Variants in MACROD2 observed in about 807,000 individuals in gnomAD.
MACROD2 encodes mono-ADP ribosylhydrolase 2, also known as ADP-ribose glycohydrolase MACROD2.
In MACROD2, 36 loss-of-function variants were observed where a neutral mutation model predicts 70.4. That is an observed-to-expected ratio of 0.51 (90% CI 0.39 to 0.68). MACROD2 has a LOEUF of 0.68. MACROD2 is among the 30% of genes least tolerant of loss of function. MACROD2 has a pLI of 0.00. For synonymous variants in MACROD2, 172 were observed against 178.8 expected (o/e 0.96, Z 0.30); for missense variants, 496 against 538.4 (o/e 0.92, Z 0.78).
intron 7 of MACROD2, among the ~76,000 whole-genome samples, chr20:15,434,030 A>T (rs1351860377): frequency 6.6e-6 from 1 of 152,082 alleles, no homozygotes; most frequent in Non-Finnish European, 1.5e-5. Context: ...CTCACCTCAC[A>T]CAAAAATCAA....
chr20:15,185,059 C>G (rs1043457764), intron 5 of MACROD2, among the ~76,000 whole-genome samples: 1 of 152,152 alleles, frequency 6.6e-6, no homozygotes, highest in African/African-American at 2.4e-5. Flanking sequence ...GAGCTTGACA[C>G]TTTGTTGATT....
intron 8 of MACROD2, among the ~76,000 whole-genome samples, chr20:15,606,218 G>C (rs1421987112): frequency 1.3e-5 from 2 of 152,060 alleles, no homozygotes; most frequent in African/African-American, 4.8e-5. Flanking sequence ...CAGTGTCTCA[G>C]TCGCCTTTTT....
At chr20:15,163,677 C>T (rs1276411868) in intron 5 of MACROD2, among the ~76,000 whole-genome samples, 3 of 151,736 alleles carry the variant, frequency 2.0e-5, no homozygotes, top group Non-Finnish European at 4.4e-5. Context: ...TGAGTATGAC[C>T]CTCAAATTAA....
chr20:14,806,621 GC>G (rs1334904164), intron 5 of MACROD2, among the ~76,000 whole-genome samples: 1 of 152,098 alleles, frequency 6.6e-6, no homozygotes, highest in African/African-American at 2.4e-5. Context: ...GGGGGCTGAA[GC>G]CAGGGAGCCA....
At chr20:15,638,394 G>A (rs2049402875) in intron 8 of MACROD2, among the ~76,000 whole-genome samples, 2 of 152,162 alleles carry the variant, frequency 1.3e-5, no homozygotes, top group African/African-American at 4.8e-5. Flanking sequence ...CCAAATATAA[G>A]TGTGCGAGGC....
At chr20:15,285,229 T>C (rs897603098) in intron 6 of MACROD2, among the ~76,000 whole-genome samples, 20 of 152,316 alleles carry the variant, frequency 1.3e-4, no homozygotes, top group African/African-American at 4.8e-4. Flanking sequence ...AAAGACTGGA[T>C]TGCAGAAAAT....
intron 4 of MACROD2, among the ~76,000 whole-genome samples, chr20:14,553,600 G>A (rs1978817922): frequency 6.6e-6 from 1 of 151,954 alleles, no homozygotes; most frequent in African/African-American, 2.4e-5. Flanking sequence ...CATTCATTGT[G>A]CTATGATGTC....
At chr20:15,497,589 C>T (rs1466933725) in intron 7 of MACROD2, among the ~76,000 whole-genome samples, 1 of 151,966 alleles carries the variant, frequency 6.6e-6, no homozygotes, top group Non-Finnish European at 1.5e-5. Context: ...CGCACCTGGC[C>T]GCCTCCTTCT....
At chr20:15,906,313 A>G (rs1057067797) in intron 10 of MACROD2, among the ~76,000 whole-genome samples, 1 of 152,196 alleles carries the variant, frequency 6.6e-6, no homozygotes, top group Non-Finnish European at 1.5e-5. Context: ...TTGGAGCACC[A>G]TTTCTTTTGC....
At chr20:14,812,351 A>G (rs904216645) in intron 5 of MACROD2, among the ~76,000 whole-genome samples, 4 of 152,014 alleles carry the variant, frequency 2.6e-5, no homozygotes, top group African/African-American at 9.7e-5. Flanking sequence ...GTTCTCACTC[A>G]TGAGTGGGAA....
At chr20:15,978,609 TC>T (rs1273458490) in intron 13 of MACROD2, among the ~76,000 whole-genome samples, 2 of 151,898 alleles carry the variant, frequency 1.3e-5, no homozygotes, top group Non-Finnish European at 1.5e-5. Flanking sequence ...TCTCTCTCTC[TC>T]TCTCTCGTTC....
In MACROD2 at chr20:15,096,471, C is replaced by A. The variant is rs1343968345; in HGVS notation, c.419-133469C>A. Among the ~76,000 whole-genome samples, 4 of 147,326 alleles carry A rather than the reference C, an allele frequency of 2.7e-5. No homozygotes were observed. The East Asian group carries it at 7.9e-4, about 29-fold the overall frequency. On this transcript the variant is annotated intron_variant, in intron 5 of 17. Transcript: ENST00000684519. ...ATATATATATAAATATATATAAATA[C>A]GTATTTATATATATAAATATATATA...
At chr20:15,749,689 T>C (rs1007957966) in intron 8 of MACROD2, among the ~76,000 whole-genome samples, 1 of 152,062 alleles carries the variant, frequency 6.6e-6, no homozygotes, top group Non-Finnish European at 1.5e-5. Context: ...GAAAATCAGC[T>C]GTTACCTGTG....
At chr20:15,533,541 GTCGC>G (rs1568873490) in intron 8 of MACROD2, among the ~76,000 whole-genome samples, 1 of 118,416 alleles carries the variant, frequency 8.4e-6, no homozygotes, top group Admixed American at 9.3e-5. Flanking sequence ...CTCTGTCTCT[GTCGC>G]TCTCTCTCTC....
chr20:14,379,732 C>T (rs1030403309), intron 3 of MACROD2, among the ~76,000 whole-genome samples: 2 of 152,082 alleles, frequency 1.3e-5, no homozygotes, highest in African/African-American at 4.8e-5. Context: ...GTGTCTGGCT[C>T]ATTTTGCTTA....
intron 5 of MACROD2, among the ~76,000 whole-genome samples, chr20:15,125,272 G>GT (rs1024144500): frequency 8.6e-5 from 13 of 151,992 alleles, no homozygotes; most frequent in African/African-American, 3.1e-4. Context: ...GTTAAACAAA[G>GT]TAATTCCTAA....
rs193222556 is a variant in MACROD2, at chr20:14,934,252, C to G, written c.418+249293C>G. 2.6e-5 allele frequency among the ~76,000 whole-genome samples: 4 copies of G among 152,242 alleles called. No individual in the cohort carries two copies. In the East Asian group the frequency reaches 7.7e-4, roughly 29 times the overall value. On this transcript the variant is annotated intron_variant, in intron 5 of 17. Coordinates refer to ENST00000684519, the MANE Select transcript of MACROD2 (RefSeq NM_001351661.2). ...AAATGGACATAAATTCCTGATGAGA[C>G]AAGATTTGTATGGAGAGCCATGGGA... is the stretch of plus-strand genomic sequence containing the variant.
At chr20:15,586,553 T>C (rs2048604516) in intron 8 of MACROD2, among the ~76,000 whole-genome samples, 1 of 152,160 alleles carries the variant, frequency 6.6e-6, no homozygotes, top group Non-Finnish European at 1.5e-5. Flanking sequence ...GATCTCAATA[T>C]AAAAGCCAGC....
At chr20:15,537,204 C>T (rs769714128) in intron 8 of MACROD2, among the ~76,000 whole-genome samples, 6 of 151,968 alleles carry the variant, frequency 3.9e-5, no homozygotes, top group Admixed American at 2.0e-4. Context: ...CCCCTTTTTG[C>T]GTAGCTCTCA....
Sources: allele counts gnomAD v4.1 joint callset (sites outside exome capture counted in the v4.1 genomes callset), GRCh38; gene constraint gnomAD v4.1.1; transcripts MANE v1.5; gene names NCBI Gene and HGNC (gene_info 2026-07-23, HGNC 2026-07-21).